The following GFPT1 variants were observed in gnomAD, a reference collection of about 807,000 sequenced individuals.
The protein encoded by GFPT1 is glutamine--fructose-6-phosphate aminotransferase [isomerizing] 1.
A neutral mutation model predicts 92.0 loss-of-function variants in GFPT1; 40 were observed. That is an observed-to-expected ratio of 0.43 (90% CI 0.34 to 0.57). The LOEUF (loss-of-function observed/expected upper bound fraction) is 0.57, where lower values mean the gene tolerates loss of function less well. Among genes scored for constraint, GFPT1 ranks in the 20% least tolerant of loss-of-function variants. GFPT1 has a pLI of 0.02. For missense variants in GFPT1, 448 were observed against 869.1 expected, an observed-to-expected ratio of 0.52 and a Z score of 6.09; for synonymous variants, 269 against 280.6, an observed-to-expected ratio of 0.96 and a Z score of 0.41.
chr2:69,340,394 A>G (rs1670920250), intron 13 of GFPT1, among the ~76,000 whole-genome samples: 1 of 152,168 alleles, frequency 6.6e-6, no homozygotes, highest in African/African-American at 2.4e-5. Context: ...TAATGCTATA[A>G]ATTCCACTGA....
At chr2:69,338,824 G>A (rs1304898705) in intron 13 of GFPT1, among the ~76,000 whole-genome samples, 3 of 134,678 alleles carry the variant, frequency 2.2e-5, no homozygotes, top group Non-Finnish European at 3.1e-5. Flanking sequence ...TTTTTGAGAC[G>A]GAGTCTCGCT....
chr2:69,359,178 G>A, intron 5 of GFPT1, 90 bp downstream of exon 5: 1 of 775,402 alleles, frequency 1.3e-6, no homozygotes, highest in African/African-American at 1.7e-5. Context: ...ACACACATAT[G>A]GTGTTTGTTG....
chr2:69,346,534 A>C (rs1671086926), intron 11 of GFPT1, among the ~76,000 whole-genome samples: 1 of 152,124 alleles, frequency 6.6e-6, no homozygotes, highest in Non-Finnish European at 1.5e-5. Flanking sequence ...CACCGCACTC[A>C]GTCAACTGGG....
intron 3 of GFPT1, among the ~76,000 whole-genome samples, chr2:69,365,046 A>T (rs990595405): frequency 3.4e-5 from 5 of 147,630 alleles, no homozygotes; most frequent in Non-Finnish European, 1.5e-5. Flanking sequence ...TATTTTTCAT[A>T]TAAGCTATCT....
At chr2:69,381,184 C>T (rs1392766574) in intron 1 of GFPT1, among the ~76,000 whole-genome samples, 2 of 152,086 alleles carry the variant, frequency 1.3e-5, no homozygotes, top group African/African-American at 2.4e-5. Context: ...GGTTTCACCA[C>T]GCTGGCCAGG....
chr2:69,329,808 C>T lies in GFPT1; in HGVS notation c.1483-10G>A, dbSNP rs370154902. 10 of 1,371,780 alleles carry T rather than the reference C, an allele frequency of 7.3e-6. No homozygotes were observed. In the African/African-American group the frequency reaches 1.4e-4, roughly 19 times the overall value. 85.0% of individuals were successfully genotyped at this position (1,371,780 alleles called of 1,614,324 possible). A position where few individuals can be genotyped will look rare whatever the true frequency, so the allele number is the denominator to read the frequency against. On this transcript the variant is annotated splice_polypyrimidine_tract_variant and intron_variant, in intron 15 of 19. Coordinates refer to ENST00000357308, the MANE Select transcript of GFPT1 (RefSeq NM_001244710.2). ...ACTGGCTGGTATAAGCCTGAAACATCACAAAAAAGCAGGACAATTAGTTGC... is the reference window on the plus strand; with the variant it reads ...ACTGGCTGGTATAAGCCTGAAACATTACAAAAAAGCAGGACAATTAGTTGC...
chr2:69,348,583 G>A (rs1671137372), intron 10 of GFPT1, among the ~76,000 whole-genome samples: 1 of 152,162 alleles, frequency 6.6e-6, no homozygotes, highest in Non-Finnish European at 1.5e-5. Context: ...AAGCATGGTT[G>A]TTTCCTCCTC....
intron 3 of GFPT1, among the ~76,000 whole-genome samples, chr2:69,365,849 C>A (rs1671597691): frequency 6.6e-6 from 1 of 151,878 alleles, no homozygotes; most frequent in Non-Finnish European, 1.5e-5. Context: ...TGCTCTTGTG[C>A]CCAAGCTGGA....
chr2:69,328,032 G>C (rs1670572789), intron 18 of GFPT1, among the ~76,000 whole-genome samples: 1 of 145,874 alleles, frequency 6.9e-6, no homozygotes, highest in Non-Finnish European at 1.5e-5. Flanking sequence ...CCAGGAGGCA[G>C]AGGTTGCAGT....
chr2:69,352,538 G>A (rs1023007626), intron 9 of GFPT1, among the ~76,000 whole-genome samples: 19 of 149,922 alleles, frequency 1.3e-4, no homozygotes, highest in African/African-American at 2.7e-4. Context: ...GCTTGAACCC[G>A]GGAGGCCGAG....
intron 12 of GFPT1, among the ~76,000 whole-genome samples, chr2:69,344,757 C>T (rs1023178997): frequency 1.3e-5 from 2 of 151,810 alleles, no homozygotes; most frequent in Non-Finnish European, 2.9e-5. Flanking sequence ...AATCCTCCCA[C>T]CTCAGGCTCT....
At position 69,363,609 on chromosome 2, in the gene GFPT1, A is replaced by C. The variant is rs200428254; in HGVS notation, c.285T>G (p.Arg95=). ...GACTGGGTTCTCCATGTGTTGCCCAACGGGTATGAGCTATTCCAAGGTGTA... is the reference window on the plus strand; with the variant it reads ...GACTGGGTTCTCCATGTGTTGCCCACCGGGTATGAGCTATTCCAAGGTGTA... ...FDVHLGIAHT[R]WATHGEPSPV... The change falls in exon 4 of 20, where the codon CGT becomes CGG. Residue 95 remains arginine (R), a synonymous_variant. Transcript: ENST00000357308. 2 of 1,611,512 alleles carry C rather than the reference A, an allele frequency of 1.2e-6. No individual in the cohort carries two copies. The highest frequency in any genetic ancestry group is 2.2e-5 in the East Asian group (1 of 44,876).
rs185947431 is a variant in GFPT1, at chr2:69,323,191, G to A, written c.*2998C>T. On this transcript the variant is annotated 3_prime_UTR_variant, in exon 20 of 20. Transcript: ENST00000357308. ...TAATCACTTACTGGGCCACACGCTA[G>A]ATGACAGACATGCCTCCCTGCCTAA... 6.6e-6 allele frequency: 1 copy of A among 152,302 alleles called. No individual in the cohort carries two copies. Among genetic ancestry groups the A allele is most frequent in the African/African-American group, 2.4e-5 (1 of 41,560 alleles). 9.4% of individuals were successfully genotyped at this position (152,302 alleles called of 1,614,324 possible).
In GFPT1 at chr2:69,323,693, T is replaced by C. The variant is rs1206204180; in HGVS notation, c.*2496A>G. The C allele has an allele frequency of 6.6e-6, 1 of 151,470 alleles. No homozygotes were observed. The highest frequency in any genetic ancestry group is 1.5e-5 in the Non-Finnish European group (1 of 67,850). 9.4% of individuals were successfully genotyped at this position (151,470 alleles called of 1,614,324 possible). A position where few individuals can be genotyped will look rare whatever the true frequency, so the allele number is the denominator to read the frequency against. ...TAAAAAAAAAATTTTTTTTTTTTTTTTTTGAGAGAGTCTTGCTCTGTCGCC... is the reference window on the plus strand; with the variant it reads ...TAAAAAAAAAATTTTTTTTTTTTTTCTTTGAGAGAGTCTTGCTCTGTCGCC... On this transcript the variant is annotated 3_prime_UTR_variant, in exon 20 of 20. Transcript: ENST00000357308.
At chr2:69,335,517 C>T (rs963167115) in intron 15 of GFPT1, among the ~76,000 whole-genome samples, 6 of 152,258 alleles carry the variant, frequency 3.9e-5, no homozygotes, top group African/African-American at 1.4e-4. Context: ...CACGTTGTAG[C>T]CCTTGTTTCA....
chr2:69,329,044 T>C (rs1670598112), intron 17 of GFPT1, among the ~76,000 whole-genome samples: 1 of 152,186 alleles, frequency 6.6e-6, no homozygotes. Flanking sequence ...ACTTAATCTT[T>C]ATTCATATTT....
rs141356794 is a variant in GFPT1 at position 69,363,989 on chromosome 2, C to A, written c.224-319G>T. The stretch of plus-strand genomic sequence containing the variant: ...AATTGGCCAGGCATGGTGGCACGCG[C>A]CTGTAGTCCTGGCTACTCCGGAGGC... On this transcript the variant is annotated intron_variant, in intron 3 of 19. Coordinates refer to ENST00000357308, the MANE Select transcript of GFPT1 (RefSeq NM_001244710.2). 3.9e-3 allele frequency among the ~76,000 whole-genome samples: 586 copies of A among 152,138 alleles called. 4 individuals carry two copies. The highest frequency in any genetic ancestry group is 0.013 in the African/African-American group (544 of 41,492).
chr2:69,372,082 C>T lies in GFPT1; in HGVS notation c.115+1924G>A, dbSNP rs186963039. On this transcript the variant is annotated intron_variant, in intron 2 of 19. Coordinates refer to ENST00000357308, the MANE Select transcript of GFPT1 (RefSeq NM_001244710.2). Reference sequence around the variant, plus strand: ...GGGTGTGGTGGCAGGCACCTGTAATCCCAGCTACTCAGGAGGGTGAGGCAG... The same window carrying T: ...GGGTGTGGTGGCAGGCACCTGTAATTCCAGCTACTCAGGAGGGTGAGGCAG... 6.7e-4 allele frequency among the ~76,000 whole-genome samples: 101 copies of T among 150,816 alleles called. 1 individual carries two copies. The highest frequency in any genetic ancestry group is 1.5e-3 in the Admixed American group (23 of 15,156).
At chr2:69,326,325 A>G in intron 19 of GFPT1, 92 bp from the exon 20 acceptor site, 1 of 773,860 alleles carries the variant, frequency 1.3e-6, no homozygotes. Context: ...TTTTGTTTAT[A>G]AAAACAGAAA....
Sources: gnomAD v4.1 joint callset for allele counts (sites outside exome capture counted in the v4.1 genomes callset) on GRCh38, gnomAD v4.1.1 for gene constraint, MANE v1.5 for transcripts, NCBI Gene and HGNC (gene_info 2026-07-23, HGNC 2026-07-21) for gene names.